The following ATXN1 variants were observed in gnomAD, a reference collection of about 807,000 sequenced individuals.
ATXN1 encodes ataxin-1.
A neutral mutation model predicts 56.4 loss-of-function variants in ATXN1; 8 were observed. The observed-to-expected ratio is 0.14, with a 90% CI of 0.08 to 0.26. The LOEUF (loss-of-function observed/expected upper bound fraction) is 0.26, where lower values mean the gene tolerates loss of function less well. Ranked by LOEUF, ATXN1 falls within the 10% of genes least tolerant of loss-of-function variation. The pLI is 1.00. For synonymous variants in ATXN1, 514 were observed against 494.6 expected, an observed-to-expected ratio of 1.04 and a Z score of -0.52; for missense variants, 987 against 1,106.5, an observed-to-expected ratio of 0.89 and a Z score of 1.53.
chr6:16,591,147 G>A (rs553183444), intron 3 of ATXN1, among the ~76,000 whole-genome samples: 12 of 152,080 alleles, frequency 7.9e-5, no homozygotes, highest in African/African-American at 2.9e-4. Context: ...AGTAGAGACA[G>A]GGTCTTGCTA....
chr6:16,638,878 A>G (rs1477314347), intron 3 of ATXN1, among the ~76,000 whole-genome samples: 1 of 152,218 alleles, frequency 6.6e-6, no homozygotes, highest in African/African-American at 2.4e-5. Flanking sequence ...GCCCAGATTA[A>G]TATCATAGTG....
intron 3 of ATXN1, among the ~76,000 whole-genome samples, chr6:16,640,615 G>A (rs1247275327): frequency 1.3e-4 from 19 of 151,804 alleles, no homozygotes; most frequent in Admixed American, 1.1e-3. Flanking sequence ...CCCGGGAGGC[G>A]GAGCTTGCAG....
chr6:16,737,877 A>G (rs1760192621), intron 2 of ATXN1: 1 of 152,240 alleles, frequency 6.6e-6, no homozygotes, highest in African/African-American at 2.4e-5. Flanking sequence ...GTAGTTTCTA[A>G]GTAAGAAAAC....
chr6:16,537,426 C>T (rs1232894086), intron 4 of ATXN1, among the ~76,000 whole-genome samples: 2 of 151,908 alleles, frequency 1.3e-5, no homozygotes, highest in Non-Finnish European at 2.9e-5. Context: ...ATGTTCTGGC[C>T]GGGCGCGGTG....
intron 6 of ATXN1, among the ~76,000 whole-genome samples, chr6:16,370,492 A>G (rs970405875): frequency 1.3e-5 from 2 of 152,250 alleles, no homozygotes; most frequent in Non-Finnish European, 2.9e-5. Context: ...TTCAAAACTA[A>G]TATTTCTAAT....
chr6:16,537,064 G>C (rs1212889258), intron 4 of ATXN1, among the ~76,000 whole-genome samples: 2 of 149,358 alleles, frequency 1.3e-5, no homozygotes, highest in Non-Finnish European at 3.0e-5. Flanking sequence ...TTGATAAGAG[G>C]TTTTTCTTGA....
intron 3 of ATXN1, among the ~76,000 whole-genome samples, chr6:16,616,694 T>C (rs921555802): frequency 6.9e-6 from 1 of 144,964 alleles, no homozygotes. Flanking sequence ...TTATATATAA[T>C]GGTCAGTTAC....
At chr6:16,414,658 C>T (rs796338037) in intron 6 of ATXN1, among the ~76,000 whole-genome samples, 12 of 152,260 alleles carry the variant, frequency 7.9e-5, no homozygotes, top group African/African-American at 2.6e-4. Context: ...AACAAAAAAA[C>T]GCTAAACCCA....
intron 6 of ATXN1, among the ~76,000 whole-genome samples, chr6:16,433,880 T>A (rs1262651351): frequency 6.6e-6 from 1 of 152,208 alleles, no homozygotes; most frequent in Non-Finnish European, 1.5e-5. Context: ...CCTCCTCACC[T>A]GCCAAACGAG....
At chr6:16,572,472 T>TC (rs1166155306) in intron 4 of ATXN1, among the ~76,000 whole-genome samples, 2 of 152,028 alleles carry the variant, frequency 1.3e-5, no homozygotes, top group African/African-American at 4.8e-5. Flanking sequence ...AGGCCATACC[T>TC]CCCCAAGACT....
intron 6 of ATXN1, among the ~76,000 whole-genome samples, chr6:16,454,271 A>G (rs149372504): frequency 1.8e-3 from 269 of 152,246 alleles, no homozygotes; most frequent in African/African-American, 6.4e-3. Flanking sequence ...CAGAGAGCTG[A>G]CCAGGAACTG....
intron 5 of ATXN1, among the ~76,000 whole-genome samples, chr6:16,490,781 T>C (rs1760643574): frequency 6.6e-6 from 1 of 152,218 alleles, no homozygotes. Context: ...GACCCAGGTC[T>C]GGGCAATCGT....
At chr6:16,558,278 G>A (rs1386760266) in intron 4 of ATXN1, among the ~76,000 whole-genome samples, 2 of 143,092 alleles carry the variant, frequency 1.4e-5, no homozygotes, top group African/African-American at 5.3e-5. Context: ...TCCAGCCTGG[G>A]TGACAGAGCG....
At chr6:16,488,728 A>C (rs1481194770) in intron 5 of ATXN1, among the ~76,000 whole-genome samples, 1 of 152,180 alleles carries the variant, frequency 6.6e-6, no homozygotes, top group East Asian at 1.9e-4. Flanking sequence ...AAATATGCCA[A>C]ACTTCTATTT....
chr6:16,701,705 G>A (rs1417889380), intron 2 of ATXN1, among the ~76,000 whole-genome samples: 1 of 152,036 alleles, frequency 6.6e-6, no homozygotes. Flanking sequence ...CAAACAGAGA[G>A]CCAAATCATG....
chr6:16,499,221 C>T (rs1760832492), intron 5 of ATXN1, among the ~76,000 whole-genome samples: 1 of 152,036 alleles, frequency 6.6e-6, no homozygotes, highest in South Asian at 2.1e-4. Context: ...GCATGTGTCC[C>T]AGGTGACTTT....
chr6:16,716,603 G>A (rs1173434074), intron 2 of ATXN1, among the ~76,000 whole-genome samples: 1 of 152,118 alleles, frequency 6.6e-6, no homozygotes, highest in Non-Finnish European at 1.5e-5. Context: ...GCAATTCTCT[G>A]ACGTGCAAAG....
chr6:16,570,304 A>C (rs920695115), intron 4 of ATXN1, among the ~76,000 whole-genome samples: 5 of 152,174 alleles, frequency 3.3e-5, no homozygotes, highest in Non-Finnish European at 4.4e-5. Context: ...TATTCCTTCT[A>C]ATCTATTTGG....
chr6:16,523,609 C>T (rs1487160498), intron 4 of ATXN1, among the ~76,000 whole-genome samples: 1 of 152,200 alleles, frequency 6.6e-6, no homozygotes, highest in Non-Finnish European at 1.5e-5. Flanking sequence ...CCCATTCCTG[C>T]ACTTTGCTCT....
Sources: allele counts gnomAD v4.1 joint callset (sites outside exome capture counted in the v4.1 genomes callset), GRCh38; gene constraint gnomAD v4.1.1; transcripts MANE v1.5; gene names NCBI Gene and HGNC (gene_info 2026-07-23, HGNC 2026-07-21).